Variants in UGT2B7 observed in about 807,000 individuals in gnomAD.
UGT2B7 encodes UDP glucuronosyltransferase family 2 member B7.
A neutral mutation model predicts 51.9 loss-of-function variants in UGT2B7; 51 were observed. The observed-to-expected ratio is 0.98, with a 90% CI of 0.78 to 1.24. The LOEUF (loss-of-function observed/expected upper bound fraction) is 1.24. UGT2B7 is among the 50% of genes most tolerant of loss of function. The probability of loss-of-function intolerance (pLI) is 0.00; values close to 1 mark genes in which losing one functional copy is unlikely to be tolerated. For synonymous variants in UGT2B7, 225 were observed against 211.6 expected (o/e 1.06, Z -0.55); for missense variants, 727 against 628.4 (o/e 1.16, Z -1.68).
chr4:69,051,577 C>T (rs1387624617), exon 1 of UGT2B7: 3 of 152,370 alleles, frequency 2.0e-5, no homozygotes, highest in African/African-American at 7.2e-5. Context: ...GGAACTGGCA[C>T]TTGGAGTCCA....
rs1400391124 is a variant in UGT2B7 at position 69,112,839 on chromosome 4, A to G, written c.*103A>G. 26 of 1,317,948 alleles carry G rather than the reference A, an allele frequency of 2.0e-5. No individual in the cohort carries two copies. Among genetic ancestry groups the G allele is most frequent in the Non-Finnish European group, 2.5e-5 (25 of 1,003,108 alleles). The allele number at this position is 1,317,948 out of a possible 1,614,324, so 81.6% of individuals were successfully genotyped here. A position where few individuals can be genotyped will look rare whatever the true frequency, so the allele number is the denominator to read the frequency against. On this transcript the variant is annotated 3_prime_UTR_variant, in exon 6 of 6. Transcript: ENST00000305231. ...CAAGATTTCTTTCTTCCTGAGACAA[A>G]AAAAAAAAAAGAAAAAAAAATCTTT... is the stretch of plus-strand genomic sequence containing the variant.
chr4:69,091,631 T>A (rs953025408), upstream of UGT2B7, among the ~76,000 whole-genome samples: 4 of 152,172 alleles, frequency 2.6e-5, no homozygotes, highest in African/African-American at 7.2e-5. Flanking sequence ...GAGCAGTGCG[T>A]CTGGGAGCTA....
rs1467098760 is a variant in UGT2B7 at position 69,097,215 on chromosome 4, G to A, written c.695G>A (p.Trp232Ter). The change falls in exon 1 of 6, where the codon TGG (tryptophan) becomes TAG (stop). Residue 232 changes from tryptophan (W) to a stop codon, truncating the protein, a stop_gained. Coordinates refer to ENST00000305231, the MANE Select transcript of UGT2B7 (RefSeq NM_001074.4). LOFTEE classifies it high-confidence loss of function. ...TTCGAAATATTTGACATGAAGAAGT[G>A]GGATCAGTTTTATAGTGAAGTTCTA... is the stretch of plus-strand genomic sequence containing the variant. ...FWFEIFDMKK[W>*]DQFYSEVLGR... 1.2e-6 allele frequency: 2 copies of A among 1,612,128 alleles called. No individual in the cohort carries two copies. The highest frequency in any genetic ancestry group is 8.5e-7 in the Non-Finnish European group (1 of 1,179,164).
chr4:69,108,294 G>A lies in UGT2B7; in HGVS notation c.1282G>A (p.Ala428Thr), dbSNP rs1482179157. 2 of 1,613,372 alleles carry A rather than the reference G, an allele frequency of 1.2e-6. No homozygotes were observed. Among genetic ancestry groups the A allele is most frequent in the African/African-American group, 1.3e-5 (1 of 74,878 alleles). The change falls in exon 5 of 6, where the codon GCA becomes ACA. Residue 428 changes from alanine to threonine, a missense_variant. Ala to Thr is a moderately conservative substitution (Grantham distance 58). Coordinates refer to ENST00000305231, the MANE Select transcript of UGT2B7 (RefSeq NM_001074.4). The part of the protein sequence containing the change: ...NTMSSTDLLN[A>T]LKRVINDPSY... ...AATGTCGAGTACAGACTTGCTGAAT[G>A]CATTGAAGAGAGTAATTAATGATCC...
rs751575601 is a variant in UGT2B7 at position 69,102,852 on chromosome 4, G to A, written c.916G>A (p.Val306Met). The change falls in exon 3 of 6, where the codon GTG becomes ATG. Residue 306 changes from valine (V) to methionine (M), a missense_variant. Val to Met is a conservative substitution (Grantham distance 21). Coordinates refer to ENST00000305231, the MANE Select transcript of UGT2B7 (RefSeq NM_001074.4). ...VQSSGENGVV[V>M]FSLGSMVSNM... Reference sequence around the variant, plus strand: ...GAGCTCTGGAGAAAATGGTGTTGTGGTGTTTTCTCTGGGGTCAATGGTCAG... The same window carrying A: ...GAGCTCTGGAGAAAATGGTGTTGTGATGTTTTCTCTGGGGTCAATGGTCAG... 2 of 1,613,582 alleles carry A rather than the reference G, an allele frequency of 1.2e-6. No homozygotes were observed. Among genetic ancestry groups the A allele is most frequent in the African/African-American group, 1.3e-5 (1 of 74,958 alleles).
intron 2 of UGT2B7, chr4:69,089,740 T>C (rs1311376003): frequency 2.0e-5 from 3 of 152,194 alleles, no homozygotes; most frequent in African/African-American, 4.8e-5. Flanking sequence ...TAAAGCATTA[T>C]AGTAGTGTAT....
chr4:69,108,586 C>G (rs1466047851), intron 5 of UGT2B7, among the ~76,000 whole-genome samples: 1 of 151,866 alleles, frequency 6.6e-6, no homozygotes, highest in East Asian at 1.9e-4. Flanking sequence ...AAATACATTT[C>G]TTAAAAATTT....
chr4:69,081,696 A>T (rs1157074755), intron 1 of UGT2B7, among the ~76,000 whole-genome samples: 1 of 152,090 alleles, frequency 6.6e-6, no homozygotes, highest in African/African-American at 2.4e-5. Flanking sequence ...CAAAGCTTTC[A>T]TCTCACCGTA....
intron 2 of UGT2B7, among the ~76,000 whole-genome samples, chr4:69,090,283 T>A (rs938347728): frequency 6.6e-6 from 1 of 152,116 alleles, no homozygotes; most frequent in South Asian, 2.1e-4. Context: ...TAAAAGCATG[T>A]ATGCTAATTA....
At chr4:69,088,848 A>C (rs948152573) in intron 1 of UGT2B7, among the ~76,000 whole-genome samples, 1 of 152,142 alleles carries the variant, frequency 6.6e-6, no homozygotes, top group East Asian at 1.9e-4. Context: ...AGATTCACAG[A>C]TCCATGAAGA....
chr4:69,091,747 C>T (rs1448091206), upstream of UGT2B7, among the ~76,000 whole-genome samples: 1 of 152,138 alleles, frequency 6.6e-6, no homozygotes, highest in Admixed American at 6.5e-5. Flanking sequence ...GTGACATGAG[C>T]CATTAGCTTA....
intron 1 of UGT2B7, among the ~76,000 whole-genome samples, chr4:69,088,057 T>C (rs1168708457): frequency 1.3e-5 from 2 of 152,038 alleles, no homozygotes; most frequent in African/African-American, 4.8e-5. Flanking sequence ...TAAGAACTCC[T>C]ATTATATGGA....
chr4:69,100,490 A>T (rs75414698), intron 2 of UGT2B7, among the ~76,000 whole-genome samples: 1,548 of 152,122 alleles, frequency 0.01, 26 homozygotes, highest in African/African-American at 0.036. Context: ...CATTGTTAAA[A>T]CTCAATATCT....
intron 1 of UGT2B7, among the ~76,000 whole-genome samples, chr4:69,058,621 C>T (rs1718268848): frequency 6.6e-6 from 1 of 152,188 alleles, no homozygotes; most frequent in Non-Finnish European, 1.5e-5. Flanking sequence ...TTAGTGAGGC[C>T]AGCACATGCT....
At chr4:69,055,557 T>C (rs1718169677) in intron 1 of UGT2B7, among the ~76,000 whole-genome samples, 1 of 152,210 alleles carries the variant, frequency 6.6e-6, no homozygotes, top group African/African-American at 2.4e-5. Context: ...TCAGACTTTC[T>C]ATGATGAACT....
At chr4:69,106,954 A>AT (rs1447771915) in intron 3 of UGT2B7, among the ~76,000 whole-genome samples, 3 of 150,728 alleles carry the variant, frequency 2.0e-5, no homozygotes, top group East Asian at 1.9e-4. Flanking sequence ...TGATAATCTG[A>AT]TTTTTTCTAA....
At chr4:69,074,706 A>T (rs975577479) in intron 1 of UGT2B7, among the ~76,000 whole-genome samples, 14 of 152,170 alleles carry the variant, frequency 9.2e-5, no homozygotes, top group African/African-American at 3.4e-4. Context: ...AACAAAAGTC[A>T]CTGCACTCTG....
At chr4:69,071,338 T>G (rs1299505065) in intron 1 of UGT2B7, among the ~76,000 whole-genome samples, 2 of 152,100 alleles carry the variant, frequency 1.3e-5, no homozygotes, top group Non-Finnish European at 2.9e-5. Context: ...GATTATTCTC[T>G]CCTCGTAACA....
chr4:69,066,393 T>A (rs189413598), intron 1 of UGT2B7: 22 of 152,230 alleles, frequency 1.4e-4, no homozygotes, highest in African/African-American at 4.8e-4. Context: ...CTTGTCTATA[T>A]AGTTCTATGG....
Sources: gnomAD v4.1 joint callset for allele counts (sites outside exome capture counted in the v4.1 genomes callset) on GRCh38, gnomAD v4.1.1 for gene constraint, MANE v1.5 for transcripts, NCBI Gene and HGNC (gene_info 2026-07-23, HGNC 2026-07-21) for gene names.